SNX29: variants seen among roughly 807,000 people sequenced by gnomAD.
The protein encoded by SNX29 is sorting nexin-29.
A neutral mutation model predicts 102.1 loss-of-function variants in SNX29; 78 were observed. That is an observed-to-expected ratio of 0.76 (90% confidence interval 0.64 to 0.92). The LOEUF (loss-of-function observed/expected upper bound fraction) is 0.92. SNX29 is among the 40% of genes least tolerant of loss of function. The pLI, the probability that SNX29 is intolerant of heterozygous loss-of-function variation, is 0.00. For missense variants in SNX29, 1,280 were observed against 1,061.7 expected, an observed-to-expected ratio of 1.21 and a Z score of -2.86; for synonymous variants, 580 against 414.5, an observed-to-expected ratio of 1.40 and a Z score of -4.85.
chr16:12,338,208 G>A (rs1596977831), intron 15 of SNX29, among the ~76,000 whole-genome samples: 1 of 152,296 alleles, frequency 6.6e-6, no homozygotes, highest in Non-Finnish European at 1.5e-5. Context: ...CCGAAACCAC[G>A]GCTTTTGTTT....
At chr16:12,325,093 C>T (rs890594321) in intron 15 of SNX29, among the ~76,000 whole-genome samples, 3 of 152,124 alleles carry the variant, frequency 2.0e-5, no homozygotes, top group Admixed American at 1.3e-4. Context: ...AACTGACTTT[C>T]CTTTGCAAAA....
At chr16:12,062,922 T>C (rs1334939499) in intron 9 of SNX29, among the ~76,000 whole-genome samples, 1 of 152,212 alleles carries the variant, frequency 6.6e-6, no homozygotes, top group Non-Finnish European at 1.5e-5. Flanking sequence ...AGTGCATTAC[T>C]GCTCTGAGCG....
intron 13 of SNX29, among the ~76,000 whole-genome samples, chr16:12,178,341 G>C (rs1388536374): frequency 3.9e-5 from 6 of 152,122 alleles, no homozygotes; most frequent in Non-Finnish European, 7.3e-5. Flanking sequence ...CATGTAAACT[G>C]TTAGCAGCCA....
chr16:12,140,661 T>C (rs2054837136), intron 13 of SNX29, among the ~76,000 whole-genome samples: 1 of 152,124 alleles, frequency 6.6e-6, no homozygotes, highest in Non-Finnish European at 1.5e-5. Flanking sequence ...GCCAGCTGTC[T>C]TGCGCACCCT....
chr16:12,025,732 T>C (rs570086001), intron 3 of SNX29, among the ~76,000 whole-genome samples: 1 of 152,270 alleles, frequency 6.6e-6, no homozygotes, highest in South Asian at 2.1e-4. Context: ...GCTGATGCTG[T>C]GTTAGGGGTG....
chr16:12,052,448 C>T (rs2050347921), intron 8 of SNX29: 1 of 445,682 alleles, frequency 2.2e-6, no homozygotes, highest in Non-Finnish European at 4.1e-6. Context: ...AACTCCTGAC[C>T]TCAAGTGATC....
intron 20 of SNX29, among the ~76,000 whole-genome samples, chr16:12,545,241 TC>T (rs1484120583): frequency 1.8e-4 from 28 of 152,214 alleles, no homozygotes; most frequent in Non-Finnish European, 3.8e-4. Context: ...GGGCCTCTGT[TC>T]TCAAGTGGCT....
chr16:12,372,156 C>T (rs557846465), intron 16 of SNX29, among the ~76,000 whole-genome samples: 2 of 152,174 alleles, frequency 1.3e-5, no homozygotes, highest in Admixed American at 1.3e-4. Context: ...ACACACATGC[C>T]TAACGCACAT....
At chr16:12,106,081 A>T (rs2053224317) in intron 11 of SNX29, among the ~76,000 whole-genome samples, 1 of 152,166 alleles carries the variant, frequency 6.6e-6, no homozygotes, top group Admixed American at 6.5e-5. Flanking sequence ...AGAGATGCTG[A>T]AGCAAGATTG....
At chr16:12,013,541 A>ATATATATATATATATATATATATG (rs1325376334) in intron 3 of SNX29, among the ~76,000 whole-genome samples, 1 of 119,224 alleles carries the variant, frequency 8.4e-6, no homozygotes, top group East Asian at 3.2e-4. Flanking sequence ...ATATATATAT[A>ATATATATATATATATATATATATG]TCGAGAGAGG....
At chr16:12,399,447 C>T (rs535180186) in intron 17 of SNX29, among the ~76,000 whole-genome samples, 3 of 152,264 alleles carry the variant, frequency 2.0e-5, no homozygotes, top group Admixed American at 6.5e-5. Flanking sequence ...TCATCTCTGG[C>T]GAGTTTAAGG....
chr16:12,469,618 G>A (rs1252802307), intron 18 of SNX29, among the ~76,000 whole-genome samples: 1 of 152,212 alleles, frequency 6.6e-6, no homozygotes, highest in Non-Finnish European at 1.5e-5. Context: ...TTTAGGGGCA[G>A]CATTCACTGA....
chr16:12,258,744 G>A (rs546986738), intron 14 of SNX29, among the ~76,000 whole-genome samples: 1 of 152,246 alleles, frequency 6.6e-6, no homozygotes, highest in South Asian at 2.1e-4. Context: ...TAGCTCAGAG[G>A]AAACGTGGAA....
chr16:12,049,976 A>G (rs963572376), intron 7 of SNX29, among the ~76,000 whole-genome samples: 5 of 152,212 alleles, frequency 3.3e-5, no homozygotes, highest in African/African-American at 1.2e-4. Flanking sequence ...ACAAGGCAGT[A>G]ACTGTGGCCA....
intron 14 of SNX29, among the ~76,000 whole-genome samples, chr16:12,258,417 T>G (rs1457732040): frequency 6.6e-6 from 1 of 152,180 alleles, no homozygotes; most frequent in Admixed American, 6.5e-5. Context: ...GTCAGTTCTC[T>G]GTGTGGTTGA....
At chr16:12,471,077 C>T (rs978717891) in intron 18 of SNX29, among the ~76,000 whole-genome samples, 2 of 152,198 alleles carry the variant, frequency 1.3e-5, no homozygotes. Context: ...CTGCCTCTTG[C>T]AGGAGCACCC....
At chr16:12,537,352 C>T (rs931875516) in intron 20 of SNX29, among the ~76,000 whole-genome samples, 1 of 152,190 alleles carries the variant, frequency 6.6e-6, no homozygotes, top group Non-Finnish European at 1.5e-5. Flanking sequence ...TACAGGAGCT[C>T]ATTGGCAACT....
intron 3 of SNX29, among the ~76,000 whole-genome samples, chr16:12,019,475 G>A (rs2056950632): frequency 6.6e-6 from 1 of 151,968 alleles, no homozygotes; most frequent in Admixed American, 6.6e-5. Flanking sequence ...AAAGTGCTGG[G>A]ATTACAAGAG....
intron 16 of SNX29, among the ~76,000 whole-genome samples, chr16:12,370,490 G>T (rs2082643228): frequency 6.6e-6 from 1 of 152,196 alleles, no homozygotes; most frequent in African/African-American, 2.4e-5. Context: ...AACCTGGGAG[G>T]TGGAGGTTGC....
Sources: gnomAD v4.1 joint callset for allele counts (sites outside exome capture counted in the v4.1 genomes callset) on GRCh38, gnomAD v4.1.1 for gene constraint, MANE v1.5 for transcripts, NCBI Gene and HGNC (gene_info 2026-07-23, HGNC 2026-07-21) for gene names.